CLASP1: variants seen among roughly 807,000 people sequenced by gnomAD.
CLASP1 encodes CLIP-associating protein 1.
A neutral mutation model predicts 192.3 loss-of-function variants in CLASP1; 38 were observed. The ratio of observed to expected loss-of-function variants is 0.20; its 90% CI spans 0.15 to 0.26. The LOEUF (loss-of-function observed/expected upper bound fraction) is 0.26, where lower values mean the gene tolerates loss of function less well. CLASP1 is among the 10% of genes least tolerant of loss of function. The probability of loss-of-function intolerance (pLI) is 1.00; values close to 1 mark genes in which losing one functional copy is unlikely to be tolerated. For synonymous variants in CLASP1, 691 were observed against 712.8 expected, an observed-to-expected ratio of 0.97 and a Z score of 0.49; for missense variants, 1,433 against 1,932.5, an observed-to-expected ratio of 0.74 and a Z score of 4.85.
chr2:121,426,492 A>G (rs2080401849), intron 21 of CLASP1, among the ~76,000 whole-genome samples: 1 of 152,236 alleles, frequency 6.6e-6, no homozygotes, highest in African/African-American at 2.4e-5. Flanking sequence ...AAATTGACAG[A>G]GCAGTCAAAA....
At chr2:121,496,309 T>C (rs943625686) in intron 8 of CLASP1, among the ~76,000 whole-genome samples, 1 of 152,190 alleles carries the variant, frequency 6.6e-6, no homozygotes, top group Admixed American at 6.5e-5. Context: ...TCTGTGGACA[T>C]GCAGTGCTAA....
At chr2:121,565,991 C>T (rs1212181560) in intron 2 of CLASP1, among the ~76,000 whole-genome samples, 4 of 152,120 alleles carry the variant, frequency 2.6e-5, no homozygotes, top group African/African-American at 9.7e-5. Context: ...TCAGGGACGG[C>T]CAGAAACAAG....
At chr2:121,530,832 T>A (rs762171198) in intron 2 of CLASP1, 48 of 662,006 alleles carry the variant, frequency 7.3e-5, no homozygotes, top group South Asian at 4.6e-4. Flanking sequence ...ACCACAACCC[T>A]ACCAGGTATT....
chr2:121,452,966 C>T (rs975254894), intron 14 of CLASP1, among the ~76,000 whole-genome samples: 12 of 152,082 alleles, frequency 7.9e-5, no homozygotes, highest in African/African-American at 2.9e-4. Context: ...CTTCCCAATT[C>T]ACAACTTATA....
At chr2:121,377,429 C>A in intron 34 of CLASP1, 70 bp downstream of exon 35, 1 of 1,038,814 alleles carries the variant, frequency 9.6e-7, no homozygotes, top group South Asian at 1.6e-5. Context: ...TCATGATGGT[C>A]AGTGTTCAGA....
intron 1 of CLASP1, among the ~76,000 whole-genome samples, 175 bp from the exon 2 acceptor site, chr2:121,606,355 T>A (rs1371283972): frequency 2.0e-5 from 3 of 152,338 alleles, no homozygotes; most frequent in South Asian, 4.1e-4. Flanking sequence ...ATTATTATTT[T>A]TATCAGGAAG....
intron 30 of CLASP1, among the ~76,000 whole-genome samples, chr2:121,391,473 G>C (rs962532619): frequency 6.6e-6 from 1 of 152,238 alleles, no homozygotes; most frequent in Non-Finnish European, 1.5e-5. Context: ...ACACATGATT[G>C]AAAGTAAGGA....
intron 1 of CLASP1, among the ~76,000 whole-genome samples, chr2:121,630,916 T>C (rs975150516): frequency 4.7e-5 from 7 of 150,336 alleles, no homozygotes; most frequent in South Asian, 2.1e-4. Context: ...TCCCAGCACT[T>C]TGGGAGGCCG....
At chr2:121,462,147 A>T (rs1224526372) in intron 10 of CLASP1, among the ~76,000 whole-genome samples, 1 of 152,048 alleles carries the variant, frequency 6.6e-6, no homozygotes, top group Non-Finnish European at 1.5e-5. Context: ...AGAAGGTATA[A>T]ACTAAGCTCT....
At chr2:121,524,071 G>T (rs1033832641) in intron 6 of CLASP1, among the ~76,000 whole-genome samples, 4 of 152,166 alleles carry the variant, frequency 2.6e-5, no homozygotes, top group African/African-American at 9.7e-5. Flanking sequence ...CCACAGAAGT[G>T]CATTTAGAGG....
chr2:121,632,700 T>C (rs1333070265), intron 1 of CLASP1, among the ~76,000 whole-genome samples: 2 of 152,030 alleles, frequency 1.3e-5, no homozygotes, highest in Non-Finnish European at 2.9e-5. Context: ...AATTCAAGAC[T>C]AGCCTGACCA....
At chr2:121,560,713 T>C (rs2059002809) in intron 2 of CLASP1, among the ~76,000 whole-genome samples, 1 of 152,194 alleles carries the variant, frequency 6.6e-6, no homozygotes, top group South Asian at 2.1e-4. Flanking sequence ...GCTGGGTGCA[T>C]GGATTCATTA....
exon 38 of CLASP1, chr2:121,348,553 A>G (rs1296360582): frequency 1.9e-5 from 31 of 1,613,202 alleles, no homozygotes; most frequent in Non-Finnish European, 2.5e-5. Context: ...AGCTGCAGCA[A>G]TGACTCCTTT....
exon 25 of CLASP1, chr2:121,407,542 A>G (rs751231911): frequency 1.9e-6 from 3 of 1,613,972 alleles, no homozygotes; most frequent in Non-Finnish European, 2.5e-6. Flanking sequence ...ACCAGTTTGA[A>G]CTAGCACAGT....
At chr2:121,344,434 C>T (rs985243526) in intron 39 of CLASP1, among the ~76,000 whole-genome samples, 6 of 151,948 alleles carry the variant, frequency 3.9e-5, no homozygotes, top group Admixed American at 1.3e-4. Flanking sequence ...CAGGTTCAAG[C>T]GATTCTCCTG....
chr2:121,407,000 G>A (rs1453815308), intron 25 of CLASP1, among the ~76,000 whole-genome samples: 1 of 152,132 alleles, frequency 6.6e-6, no homozygotes, highest in Non-Finnish European at 1.5e-5. Context: ...GCCAGATCAC[G>A]AGGTCAGGAG....
intron 23 of CLASP1, among the ~76,000 whole-genome samples, chr2:121,415,645 A>C (rs1483173178): frequency 6.6e-6 from 1 of 152,252 alleles, no homozygotes; most frequent in Non-Finnish European, 1.5e-5. Context: ...GGAAAAACAA[A>C]AGATAATATG....
chr2:121,563,270 T>C (rs921583328), intron 2 of CLASP1, among the ~76,000 whole-genome samples: 1 of 152,230 alleles, frequency 6.6e-6, no homozygotes, highest in Non-Finnish European at 1.5e-5. Context: ...CTGAACAGGC[T>C]GTCAAGAAAC....
chr2:121,532,198 G>C (rs1040172362), intron 2 of CLASP1, among the ~76,000 whole-genome samples: 4 of 152,158 alleles, frequency 2.6e-5, no homozygotes, highest in African/African-American at 9.7e-5. Context: ...TACATAAAAT[G>C]TTCTTGCAAG....
Sources: allele counts gnomAD v4.1 joint callset (sites outside exome capture counted in the v4.1 genomes callset), GRCh38; gene constraint gnomAD v4.1.1; transcripts MANE v1.5; gene names NCBI Gene and HGNC (gene_info 2026-07-23, HGNC 2026-07-21).